PSPC1: variants seen among roughly 807,000 people sequenced by gnomAD.
PSPC1 encodes paraspeckle protein 1.
Under a neutral mutation model 51.6 loss-of-function variants are expected in PSPC1, and 14 were observed. The ratio of observed to expected loss-of-function variants is 0.27; its 90% CI spans 0.18 to 0.42. The LOEUF (loss-of-function observed/expected upper bound fraction) is 0.42, where lower values mean the gene tolerates loss of function less well. PSPC1 is among the 10% of genes least tolerant of loss of function. The pLI is 1.00. For synonymous variants in PSPC1, 193 were observed against 231.9 expected, an observed-to-expected ratio of 0.83 and a Z score of 1.53; for missense variants, 406 against 701.1, an observed-to-expected ratio of 0.58 and a Z score of 4.75.
At chr13:19,770,864 T>C (rs1412670713) in intron 2 of PSPC1, among the ~76,000 whole-genome samples, 1 of 151,098 alleles carries the variant, frequency 6.6e-6, no homozygotes, top group Non-Finnish European at 1.5e-5. Context: ...GCCACTGCAC[T>C]GCAGCCTGGG....
At chr13:19,674,185 C>T (rs368717858), downstream of PSPC1, among the ~76,000 whole-genome samples, 7 of 152,234 alleles carry the variant, frequency 4.6e-5, no homozygotes, top group East Asian at 9.7e-4. Flanking sequence ...AACTTACCAG[C>T]GGCAGCACTC....
intron 4 of PSPC1, among the ~76,000 whole-genome samples, chr13:19,749,214 G>T (rs1886286729): frequency 6.6e-6 from 1 of 152,068 alleles, no homozygotes; most frequent in Admixed American, 6.6e-5. Context: ...CGAGTGTAGA[G>T]GCATACACTT....
At position 19,709,572 on chromosome 13, in the gene PSPC1, T is replaced by A. The variant is rs778112265; in HGVS notation, c.1186A>T (p.Met396Leu). Residue 396 changes from methionine to leucine, a missense_variant, in exon 7 of 9, where the codon ATG (methionine) becomes TTG (leucine). Met to Leu is a conservative substitution (Grantham distance 15, BLOSUM62 2). This residue lies in a region of PSPC1 where 61 missense variants were observed against 78.4 expected (regional missense o/e 0.78). Coordinates refer to ENST00000338910, the MANE Select transcript of PSPC1 (RefSeq NM_001354909.2). ...NREQEMRMGDMGPRGAINMGD... is the reference protein window; with the variant it reads ...NREQEMRMGDLGPRGAINMGD... ...ATGTTTATTGCTCCACGGGGACCCA[T>A]ATCACCCATTCTCATTTCCTGTTCT... 2 of 1,612,766 alleles carry A rather than the reference T, an allele frequency of 1.2e-6. No individual in the cohort carries two copies. Among genetic ancestry groups the A allele is most frequent in the Admixed American group, 3.3e-5 (2 of 59,724 alleles).
At chr13:19,700,597 CAT>C (rs150741496), downstream of PSPC1, among the ~76,000 whole-genome samples, 692 of 152,076 alleles carry the variant, frequency 4.6e-3, 9 homozygotes, top group African/African-American at 0.015. Flanking sequence ...ATTCCAACAA[CAT>C]AGAGTACTAG....
chr13:19,730,969 A>AAAAAAAAAAAAAAAAAAAAAAAAAAC (rs1884023504), intron 5 of PSPC1, among the ~76,000 whole-genome samples: 4 of 146,602 alleles, frequency 2.7e-5, no homozygotes, highest in Non-Finnish European at 4.5e-5. Context: ...AAAAAACAAA[A>AAAAAAAAAAAAAAAAAAAAAAAAAAC]AAAAAAAAAA....
intron 6 of PSPC1, among the ~76,000 whole-genome samples, chr13:19,689,384 A>C (rs750084497): frequency 3.9e-5 from 6 of 152,224 alleles, no homozygotes; most frequent in African/African-American, 7.2e-5. Context: ...ATTTCATACT[A>C]TAGATTAGCT....
At position 19,739,565 on chromosome 13, in the gene PSPC1, T is replaced by C. The variant is rs531557103; in HGVS notation, c.1052+2000A>G. On this transcript the variant is annotated intron_variant, in intron 5 of 8. Coordinates refer to ENST00000338910, the MANE Select transcript of PSPC1 (RefSeq NM_001354909.2). ...GAGTTCAAGACCAGCCTGGCCAACA[T>C]GGTGAAGCCCCATCTCTACTAAAAA... Among the ~76,000 whole-genome samples the C allele has an allele frequency of 3.3e-4, 50 of 152,038 alleles. 1 individual carries two copies. The highest frequency in any genetic ancestry group is 1.1e-3 in the African/African-American group (46 of 41,460).
downstream of PSPC1, among the ~76,000 whole-genome samples, chr13:19,699,213 A>AT (rs1433547926): frequency 6.6e-6 from 1 of 151,866 alleles, no homozygotes; most frequent in African/African-American, 2.4e-5. Context: ...AAATTTTTTT[A>AT]TTTTTTGTAG....
At chr13:19,750,918 C>T (rs1044645220) in intron 4 of PSPC1, among the ~76,000 whole-genome samples, 3 of 151,922 alleles carry the variant, frequency 2.0e-5, no homozygotes, top group Non-Finnish European at 4.4e-5. Context: ...TACAGGTGCG[C>T]ACCACCACGG....
intron 3 of PSPC1, among the ~76,000 whole-genome samples, chr13:19,754,648 C>T (rs1160317731): frequency 1.3e-5 from 2 of 151,924 alleles, no homozygotes; most frequent in East Asian, 3.9e-4. Flanking sequence ...CCATGTTGGC[C>T]AGGCTGGTCT....
intron 5 of PSPC1, among the ~76,000 whole-genome samples, chr13:19,739,151 T>C (rs890929366): frequency 6.6e-6 from 1 of 152,204 alleles, no homozygotes; most frequent in African/African-American, 2.4e-5. Context: ...ATTAGTATTA[T>C]GATATCCAGT....
chr13:19,745,710 C>T (rs1053381175), intron 4 of PSPC1, among the ~76,000 whole-genome samples: 1 of 151,070 alleles, frequency 6.6e-6, no homozygotes, highest in African/African-American at 2.4e-5. Context: ...ACCTCCACCT[C>T]CTGGGTTCAA....
chr13:19,676,049 A>G (rs765217740), intron 7 of PSPC1, among the ~76,000 whole-genome samples: 1 of 152,186 alleles, frequency 6.6e-6, no homozygotes, highest in Admixed American at 6.5e-5. Context: ...TAAAGTTCCA[A>G]TGACAAATCT....
At chr13:19,758,853 A>G (rs1887344358) in intron 3 of PSPC1, among the ~76,000 whole-genome samples, 1 of 151,782 alleles carries the variant, frequency 6.6e-6, no homozygotes, top group South Asian at 2.1e-4. Context: ...AAAAAAAAAA[A>G]AGTATTTTCA....
intron 6 of PSPC1, among the ~76,000 whole-genome samples, chr13:19,681,051 C>CA (rs1159047724): frequency 6.6e-6 from 1 of 151,974 alleles, no homozygotes; most frequent in Non-Finnish European, 1.5e-5. Flanking sequence ...GATGACTCTA[C>CA]AAAAAATGTA....
At chr13:19,760,475 T>C (rs1364409147) in intron 2 of PSPC1, among the ~76,000 whole-genome samples, 2 of 146,124 alleles carry the variant, frequency 1.4e-5, no homozygotes, top group East Asian at 2.1e-4. Flanking sequence ...TTGCAGTGAG[T>C]GGCGATCGCA....
In PSPC1 at chr13:19,782,349, G is replaced by T. The variant is rs773603711; in HGVS notation, c.372+37C>A. The T allele has an allele frequency of 5.8e-5, 89 of 1,543,656 alleles. No homozygotes were observed. The highest frequency in any genetic ancestry group is 1.4e-5 in the African/African-American group (1 of 71,144). On this transcript the variant is annotated intron_variant, in intron 1 of 8. Coordinates refer to ENST00000338910, the MANE Select transcript of PSPC1 (RefSeq NM_001354909.2). This position sits in a 1 kb window ranked among gnomAD's most constrained non-coding sequence, Gnocchi z 4.5. The stretch of plus-strand genomic sequence containing the variant: ...CCACGACCCCGCGGCCACCCCGACA[G>T]TCCTTTTGTTCCCTCGCGCGGGCGC...
At chr13:19,692,930 C>T (rs1232690571) in intron 6 of PSPC1, among the ~76,000 whole-genome samples, 1 of 152,202 alleles carries the variant, frequency 6.6e-6, no homozygotes, top group Non-Finnish European at 1.5e-5. Context: ...TGCTCCAGAA[C>T]ATTGTTTCCA....
chr13:19,696,388 A>AT (rs1190807766), intron 6 of PSPC1, among the ~76,000 whole-genome samples: 1 of 152,108 alleles, frequency 6.6e-6, no homozygotes, highest in Non-Finnish European at 1.5e-5. Flanking sequence ...TACAGTCACA[A>AT]TTTTTTGGAA....
Sources: allele counts gnomAD v4.1 joint callset (sites outside exome capture counted in the v4.1 genomes callset), GRCh38; gene constraint gnomAD v4.1.1; regional missense constraint gnomAD v4.1.1; non-coding constraint Gnocchi (gnomAD v3.1); transcripts MANE v1.5; gene names NCBI Gene and HGNC (gene_info 2026-07-23, HGNC 2026-07-21).